The following TENM1 variants were observed in gnomAD, a reference collection of about 807,000 sequenced individuals.
The protein encoded by TENM1 is teneurin-1.
Under a neutral mutation model 174.8 loss-of-function variants are expected in TENM1, and 35 were observed. The ratio of observed to expected loss-of-function variants is 0.20; its 90% CI spans 0.15 to 0.27. The LOEUF is 0.27. Among genes scored for constraint, TENM1 ranks in the 10% least tolerant of loss-of-function variants. TENM1 has a pLI of 1.00. For synonymous variants in TENM1, 781 were observed against 798.7 expected (o/e 0.98, Z 0.37); for missense variants, 1,633 against 2,130.1 (o/e 0.77, Z 4.59).
intron 26 of TENM1, 73 bp downstream of exon 29, chrX:124,406,244 G>A: frequency 1.3e-6 from 1 of 788,389 alleles, no homozygotes; most frequent in South Asian, 2.7e-5. Flanking sequence ...GTTTATGAAT[G>A]GTGTACGCAG....
intron 5 of TENM1, among the ~76,000 whole-genome samples, chrX:124,695,774 T>C (rs924856778): frequency 9.0e-6 from 1 of 111,325 alleles, no homozygotes; most frequent in Non-Finnish European, 1.9e-5. Flanking sequence ...TGATTGCCCA[T>C]TGAACCTCTT....
Position 124,963,571 on chromosome X carries a change from A to T in TENM1, c.183T>A (p.Ser61Arg). The change falls in exon 1 of 32, where the codon AGT becomes AGA. Residue 61 changes from serine (S) to arginine (R), a missense_variant. Physicochemically the swap from Ser to Arg is moderately radical, Grantham distance 110. Transcript: ENST00000422452. ...ATTTTTCTACTTCTTTCCTCTTTCT[A>T]CTCTGGCTATTGTAATTCATCCTCA... 1.7e-6 allele frequency: 2 copies of T among 1,210,385 alleles called. No homozygotes were observed. The highest frequency in any genetic ancestry group is 2.2e-6 in the Non-Finnish European group (2 of 894,651).
chrX:124,827,017 C>T (rs143597972), intron 3 of TENM1, among the ~76,000 whole-genome samples: 1,908 of 111,932 alleles, frequency 0.017, 19 homozygotes, highest in Middle Eastern at 0.065. Context: ...GAAAGATGAA[C>T]TTGCTAAAAC....
chrX:124,742,408 T>G (rs1452740912), intron 3 of TENM1, among the ~76,000 whole-genome samples: 1 of 111,399 alleles, frequency 9.0e-6, no homozygotes, highest in East Asian at 2.8e-4. Context: ...CCTAACTCAC[T>G]GGGTGGCAAA....
chrX:124,608,532 C>T (rs769013591), intron 11 of TENM1, among the ~76,000 whole-genome samples: 25 of 111,541 alleles, frequency 2.2e-4, no homozygotes, highest in African/African-American at 7.8e-4. Context: ...TTACAGTAAG[C>T]GCGCTGCTGT....
chrX:124,898,852 C>A (rs144226797), intron 1 of TENM1, among the ~76,000 whole-genome samples: 3,662 of 111,664 alleles, frequency 0.033, 140 homozygotes, highest in African/African-American at 0.11. Flanking sequence ...TCCTGCTTTG[C>A]CTACAAAGAC....
chrX:124,453,797 T>C (rs2061071117), intron 22 of TENM1, among the ~76,000 whole-genome samples: 1 of 111,692 alleles, frequency 9.0e-6, no homozygotes, highest in African/African-American at 3.3e-5. Flanking sequence ...AAATCATCTT[T>C]AAGATAAATG....
At chrX:125,027,659 G>T in the TENM1 span, among the ~76,000 whole-genome samples, 322 of 102,213 alleles carry the variant, frequency 3.2e-3, no homozygotes, top group African/African-American at 0.011. Context: ...CTGGCGCCAG[G>T]CTGGAGTGCA....
intron 15 of TENM1, among the ~76,000 whole-genome samples, chrX:124,534,646 A>T (rs1395151136): frequency 2.7e-5 from 3 of 111,838 alleles, no homozygotes; most frequent in African/African-American, 6.5e-5. Context: ...AAAATCAAGG[A>T]CCTAGCCAGC....
At chrX:124,991,482 G>A in the TENM1 span, among the ~76,000 whole-genome samples, 1 of 109,169 alleles carries the variant, frequency 9.2e-6, no homozygotes, top group Non-Finnish European at 1.9e-5. Flanking sequence ...GGGAGTGGGG[G>A]AGAGAGGGAG....
rs6649275 is a variant in TENM1 at position 124,656,047 on chromosome X, A to G, written c.1169-2264T>C. Reference sequence around the variant, plus strand: ...GCTATCCTCATTAGGGGCTTTTATCAATCTTAAAATGCATCATTTGGTTAT... The same window carrying G: ...GCTATCCTCATTAGGGGCTTTTATCGATCTTAAAATGCATCATTTGGTTAT... On this transcript the variant is annotated intron_variant, in intron 6 of 31. Coordinates refer to ENST00000422452, the Ensembl canonical transcript of TENM1. 8.9e-5 allele frequency among the ~76,000 whole-genome samples: 10 copies of G among 112,432 alleles called. No homozygotes were observed. The East Asian group carries it at 2.2e-3, about 25-fold the overall frequency.
rs569127260 is a variant in TENM1, at chrX:124,767,402, T to C, written c.536-30205A>G. Among the ~76,000 whole-genome samples the C allele has an allele frequency of 3.4e-4, 38 of 111,755 alleles. 1 individual carries two copies. In the South Asian group the frequency reaches 0.014, roughly 41 times the overall value. ...TTTATTATTCATTTTTGAATCTTGG[T>C]GCCCTGCACAATGTCTAGGTCATAG... On this transcript the variant is annotated intron_variant, in intron 3 of 31. Coordinates refer to ENST00000422452, the Ensembl canonical transcript of TENM1.
chrX:124,784,119 C>T (rs766012057), intron 3 of TENM1, among the ~76,000 whole-genome samples: 1 of 112,177 alleles, frequency 8.9e-6, no homozygotes, highest in Non-Finnish European at 1.9e-5. Flanking sequence ...AATCTACAGT[C>T]TCCACAAAAT....
At chrX:124,572,778 T>A (rs2049085017) in intron 11 of TENM1, among the ~76,000 whole-genome samples, 1 of 110,688 alleles carries the variant, frequency 9.0e-6, no homozygotes, top group South Asian at 3.8e-4. Context: ...AAAGGTTCCA[T>A]TAAAAATAAT....
At chrX:125,127,636 G>C in the TENM1 span, among the ~76,000 whole-genome samples, 1 of 111,089 alleles carries the variant, frequency 9.0e-6, no homozygotes, top group Non-Finnish European at 1.9e-5. Context: ...GCCCCATCCA[G>C]GTGGCTATAA....
At chrX:125,025,189 A>G in the TENM1 span, among the ~76,000 whole-genome samples, 1 of 111,544 alleles carries the variant, frequency 9.0e-6, no homozygotes, top group African/African-American at 3.3e-5. Flanking sequence ...GGAATTTTCA[A>G]TATTGCATAA....
At chrX:125,038,577 G>A in the TENM1 span, among the ~76,000 whole-genome samples, 3 of 111,179 alleles carry the variant, frequency 2.7e-5, no homozygotes, top group East Asian at 2.9e-4. Flanking sequence ...TCTGAGGACC[G>A]AACAGGAGTA....
chrX:124,600,026 ATGTG>A (rs1383549126), intron 11 of TENM1, among the ~76,000 whole-genome samples: 1 of 109,174 alleles, frequency 9.2e-6, no homozygotes, highest in African/African-American at 3.4e-5. Flanking sequence ...GTATATATAT[ATGTG>A]TGTGTGTGTG....
At chrX:124,395,678 A>G (rs1363177467) in intron 27 of TENM1, among the ~76,000 whole-genome samples, 1 of 111,873 alleles carries the variant, frequency 8.9e-6, no homozygotes, top group African/African-American at 3.3e-5. Flanking sequence ...CTAAAAGGTG[A>G]TAAGAAAAGC....
Sources: gnomAD v4.1 joint callset for allele counts (sites outside exome capture counted in the v4.1 genomes callset) on GRCh38, gnomAD v4.1.1 for gene constraint, MANE v1.5 for transcripts, NCBI Gene and HGNC (gene_info 2026-07-23, HGNC 2026-07-21) for gene names.